The following MARCHF3 variants were observed in gnomAD, a reference collection of about 807,000 sequenced individuals.
MARCHF3 encodes the protein membrane associated ring-CH-type finger 3.
A neutral mutation model predicts 24.2 loss-of-function variants in MARCHF3; 13 were observed. The ratio of observed to expected loss-of-function variants is 0.54; its 90% CI spans 0.35 to 0.85. MARCHF3 has a LOEUF of 0.85. MARCHF3 is among the 40% of genes least tolerant of loss of function. The pLI is 0.01. For missense variants in MARCHF3, 276 were observed against 325.0 expected (o/e 0.85, Z 1.16); for synonymous variants, 144 against 137.3 (o/e 1.05, Z -0.34).
intron 3 of MARCHF3, among the ~76,000 whole-genome samples, chr5:126,912,592 C>G (rs539644725): frequency 1.3e-5 from 2 of 152,126 alleles, no homozygotes; most frequent in Non-Finnish European, 2.9e-5. Flanking sequence ...AAAAAAGATG[C>G]ATGTTTATCT....
chr5:126,889,480 T>C (rs560881056), intron 3 of MARCHF3, among the ~76,000 whole-genome samples: 31 of 151,960 alleles, frequency 2.0e-4, no homozygotes, highest in African/African-American at 7.5e-4. Context: ...AAGAAAACTA[T>C]CCAAGCAGAG....
At chr5:126,893,674 T>G (rs1361962972) in intron 3 of MARCHF3, among the ~76,000 whole-genome samples, 1 of 143,362 alleles carries the variant, frequency 7.0e-6, no homozygotes, top group East Asian at 2.0e-4. Context: ...ATAATTTCTG[T>G]TCTTTTACAT....
rs946287642 is a variant in MARCHF3 at position 126,868,396 on chromosome 5, C to G, written c.*2237G>C. 1.3e-5 allele frequency: 2 copies of G among 152,250 alleles called. No individual in the cohort carries two copies. The highest frequency in any genetic ancestry group is 2.4e-5 in the African/African-American group (1 of 41,448). The allele number at this position is 152,250 out of a possible 1,614,324, so 9.4% of individuals were successfully genotyped here. On this transcript the variant is annotated 3_prime_UTR_variant, in exon 5 of 5. Coordinates refer to ENST00000308660, the MANE Select transcript of MARCHF3 (RefSeq NM_178450.5). ...CTTTCACCACCCCACACACAATCTA[C>G]TCCTTGCATCTTGGACTCTGTTTTA...
intron 3 of MARCHF3, among the ~76,000 whole-genome samples, chr5:126,902,283 A>G (rs938791428): frequency 6.6e-6 from 1 of 152,094 alleles, no homozygotes; most frequent in Non-Finnish European, 1.5e-5. Context: ...TTGTTATAGT[A>G]TTCTTTGTCC....
chr5:126,991,329 T>A (rs938548148), intron 1 of MARCHF3, among the ~76,000 whole-genome samples: 4 of 152,092 alleles, frequency 2.6e-5, no homozygotes, highest in Non-Finnish European at 4.4e-5. Context: ...GTTCTCACTC[T>A]TAGGTGGGAA....
intron 3 of MARCHF3, among the ~76,000 whole-genome samples, chr5:126,904,082 C>A (rs1268949283): frequency 3.3e-5 from 5 of 150,180 alleles, no homozygotes; most frequent in East Asian, 2.0e-4. Context: ...TTTGTTCTTG[C>A]GATAGTTTAC....
intron 1 of MARCHF3, among the ~76,000 whole-genome samples, chr5:127,019,530 C>T (rs964798476): frequency 1.3e-5 from 2 of 152,150 alleles, no homozygotes; most frequent in Non-Finnish European, 2.9e-5. Context: ...TCATATTCTT[C>T]AAAAGGAGAT....
intron 1 of MARCHF3, among the ~76,000 whole-genome samples, chr5:126,987,430 T>C (rs1438238043): frequency 6.6e-6 from 1 of 152,218 alleles, no homozygotes; most frequent in African/African-American, 2.4e-5. Context: ...TGCTATGAAT[T>C]TGGGACTCAA....
Position 126,919,982 on chromosome 5 carries a change from C to T in MARCHF3, c.-56-1755G>A, listed in dbSNP as rs144273793. Reference sequence around the variant, plus strand: ...GACCAGCAATACTGAACATTCAGCACAGTCAGTTAGTTGGTATAGGTCAAC... The same window carrying T: ...GACCAGCAATACTGAACATTCAGCATAGTCAGTTAGTTGGTATAGGTCAAC... On this transcript the variant is annotated intron_variant, in intron 1 of 4. Transcript: ENST00000308660. Among the ~76,000 whole-genome samples, 235 of 152,250 alleles carry T rather than the reference C, an allele frequency of 1.5e-3. 2 individuals carry two copies. The highest frequency in any genetic ancestry group is 5.2e-3 in the African/African-American group (214 of 41,526).
intron 3 of MARCHF3, among the ~76,000 whole-genome samples, chr5:126,900,170 TGTA>T (rs541462658): frequency 3.3e-5 from 5 of 152,074 alleles, no homozygotes; most frequent in Admixed American, 6.6e-5. Flanking sequence ...CTGAAGCACA[TGTA>T]GTTTCTTGGA....
At chr5:126,997,714 A>G (rs975256292) in intron 1 of MARCHF3, among the ~76,000 whole-genome samples, 2 of 152,192 alleles carry the variant, frequency 1.3e-5, no homozygotes, top group African/African-American at 4.8e-5. Flanking sequence ...AATTTTTTTG[A>G]TAAGGCTATG....
chr5:126,870,667 G>A lies in MARCHF3; in HGVS notation c.728C>T (p.Ser243Leu), dbSNP rs761821158. 30 of 1,614,024 alleles carry A rather than the reference G, an allele frequency of 1.9e-5. No individual in the cohort carries two copies. The South Asian group carries it at 2.5e-4, about 14-fold the overall frequency. Residue 243 changes from serine (S) to leucine (L), a missense_variant, in exon 5 of 5, where the codon TCG becomes TTG. By Grantham distance (145) the Ser-to-Leu change is moderately radical (BLOSUM62 -2). Coordinates refer to ENST00000308660, the MANE Select transcript of MARCHF3 (RefSeq NM_178450.5). Reference protein sequence around the residue: ...SNQPSLLGLHSVKRNSKETVV With the variant: ...SNQPSLLGLHLVKRNSKETVV ...TGTCTCCTTTGAGTTCCTCTTGACC[G>A]AATGGAGGCCCAGCAAGGACGGCTG...
chr5:126,875,000 C>T (rs1753101151), intron 4 of MARCHF3, among the ~76,000 whole-genome samples: 2 of 152,170 alleles, frequency 1.3e-5, no homozygotes. Context: ...ACACTGGTTG[C>T]ATCAGTGATG....
At chr5:127,008,014 T>C (rs935508774) in intron 1 of MARCHF3, among the ~76,000 whole-genome samples, 1 of 151,924 alleles carries the variant, frequency 6.6e-6, no homozygotes, top group South Asian at 2.1e-4. Flanking sequence ...GAACACATCA[T>C]GTATCTTACT....
intron 1 of MARCHF3, among the ~76,000 whole-genome samples, chr5:126,976,464 C>T (rs1751198707): frequency 6.6e-6 from 1 of 152,190 alleles, no homozygotes; most frequent in Admixed American, 6.5e-5. Flanking sequence ...TTTGGGCTAC[C>T]CTGGCTTCCT....
At chr5:126,988,260 G>A (rs573218109) in intron 1 of MARCHF3, among the ~76,000 whole-genome samples, 1 of 152,158 alleles carries the variant, frequency 6.6e-6, no homozygotes, top group Non-Finnish European at 1.5e-5. Flanking sequence ...CCAACATCAA[G>A]GTTCCATGCA....
At chr5:126,886,042 T>C (rs2126772178) in intron 3 of MARCHF3, among the ~76,000 whole-genome samples, 1 of 151,630 alleles carries the variant, frequency 6.6e-6, no homozygotes, top group African/African-American at 2.4e-5. Context: ...TACCTTGAAA[T>C]AATTGAGAAG....
intron 1 of MARCHF3, among the ~76,000 whole-genome samples, chr5:126,994,546 C>T (rs966719214): frequency 1.3e-5 from 2 of 152,170 alleles, no homozygotes; most frequent in African/African-American, 4.8e-5. Context: ...AAAACATAAT[C>T]TCAGTGTAAA....
At chr5:126,990,631 T>G (rs1211808005) in intron 1 of MARCHF3, among the ~76,000 whole-genome samples, 1 of 151,896 alleles carries the variant, frequency 6.6e-6, no homozygotes. Context: ...TGGGAGAAAA[T>G]TTTTGCAATC....
Sources: allele counts gnomAD v4.1 joint callset (sites outside exome capture counted in the v4.1 genomes callset), GRCh38; gene constraint gnomAD v4.1.1; transcripts MANE v1.5; gene names NCBI Gene and HGNC (gene_info 2026-07-23, HGNC 2026-07-21).